The following DHRS3 variants were observed in gnomAD, a reference collection of about 807,000 sequenced individuals.
DHRS3 encodes short-chain dehydrogenase/reductase 3.
In DHRS3, 14 loss-of-function variants were observed where a neutral mutation model predicts 27.2. The ratio of observed to expected loss-of-function variants is 0.52; its 90% CI spans 0.34 to 0.81. The LOEUF is 0.81. DHRS3 is among the 30% of genes least tolerant of loss of function. DHRS3 has a pLI of 0.01. For synonymous variants in DHRS3, 165 were observed against 175.9 expected, an observed-to-expected ratio of 0.94 and a Z score of 0.49; for missense variants, 322 against 406.2, an observed-to-expected ratio of 0.79 and a Z score of 1.78.
intron 4 of DHRS3, among the ~76,000 whole-genome samples, chr1:12,573,524 GCTCAATAAATACTTGAAGGA>G (rs1261739607): frequency 6.6e-6 from 1 of 152,216 alleles, no homozygotes; most frequent in Admixed American, 6.5e-5. Flanking sequence ...CATAGTATGT[GCTCAATAAATACTTGAAGGA>G]CTGAACACAC....
At chr1:12,590,185 G>A (rs987019520) in intron 1 of DHRS3, among the ~76,000 whole-genome samples, 10 of 152,138 alleles carry the variant, frequency 6.6e-5, no homozygotes. Context: ...AGGAACTCTG[G>A]GGGTTCTGGT....
In DHRS3 at chr1:12,580,571, C is replaced by T. The variant is rs752705990; in HGVS notation, c.291G>A (p.Val97=). ...TCTGGTACACCTCCTCCCGGTTGCCCACATCACAGATGAAGTAATGGCACT... is the reference window on the plus strand; with the variant it reads ...TCTGGTACACCTCCTCCCGGTTGCCTACATCACAGATGAAGTAATGGCACT... ...GTECHYFICD[V]GNREEVYQTA... The change falls in exon 2 of 6, where the codon GTG becomes GTA. Residue 97 remains valine (V), a synonymous_variant. Coordinates refer to ENST00000616661, the MANE Select transcript of DHRS3 (RefSeq NM_004753.7). The T allele has an allele frequency of 1.2e-6, 2 of 1,614,078 alleles. No homozygotes were observed. Among genetic ancestry groups the T allele is most frequent in the East Asian group, 4.5e-5 (2 of 44,900 alleles).
At chr1:12,609,102 T>C (rs1646889914) in intron 1 of DHRS3, among the ~76,000 whole-genome samples, 1 of 152,252 alleles carries the variant, frequency 6.6e-6, no homozygotes, top group Non-Finnish European at 1.5e-5. Context: ...GGTTAAGCAC[T>C]ACTGCCATTA....
rs968180693 is a variant in DHRS3 at position 12,592,665 on chromosome 1, C to T, written c.196-11999G>A. Among the ~76,000 whole-genome samples the T allele has an allele frequency of 4.6e-5, 7 of 152,112 alleles. No individual in the cohort carries two copies. The highest frequency in any genetic ancestry group is 2.9e-5 in the Non-Finnish European group (2 of 68,006). On this transcript the variant is annotated intron_variant, in intron 1 of 5. Transcript: ENST00000616661. This position sits in a 1 kb window ranked among gnomAD's most constrained non-coding sequence, Gnocchi z 4.2. ...AGCTTTGGTGTTTTGGGCCACACAG[C>T]TGGTGGTCATTTGTTGTGCCATTGA... is the stretch of plus-strand genomic sequence containing the variant.
At chr1:12,571,285 G>T (rs1438676727) in intron 5 of DHRS3, among the ~76,000 whole-genome samples, 1 of 152,186 alleles carries the variant, frequency 6.6e-6, no homozygotes, top group Non-Finnish European at 1.5e-5. Flanking sequence ...TCTGGAGGAG[G>T]AGTCTCTCAT....
chr1:12,568,309 G>A lies in DHRS3; in HGVS notation c.*31C>T, dbSNP rs373029327. ...CCAGGTGCTGTGGCCCCCAAACTCC[G>A]TGGCTCCTCAAGCATGTCTTCATCC... is the stretch of plus-strand genomic sequence containing the variant. On this transcript the variant is annotated 3_prime_UTR_variant, in exon 6 of 6. Transcript: ENST00000616661. The A allele has an allele frequency of 5.4e-5, 87 of 1,604,884 alleles. 1 individual carries two copies. The Admixed American group carries it at 6.0e-4, about 11-fold the overall frequency.
At chr1:12,580,299 A>G (rs1052138285) in intron 2 of DHRS3, 11 of 587,042 alleles carry the variant, frequency 1.9e-5, no homozygotes, top group Middle Eastern at 4.6e-4. Context: ...CACACGGTCT[A>G]CATTTCCAAG....
At position 12,590,173 on chromosome 1, in the gene DHRS3, C is replaced by T. The variant is rs141962744; in HGVS notation, c.196-9507G>A. Among the ~76,000 whole-genome samples, 54 of 152,104 alleles carry T rather than the reference C, an allele frequency of 3.6e-4. 1 individual carries two copies. Among genetic ancestry groups the T allele is most frequent in the Middle Eastern group, 3.4e-3 (1 of 294 alleles). On this transcript the variant is annotated intron_variant, in intron 1 of 5. Coordinates refer to ENST00000616661, the MANE Select transcript of DHRS3 (RefSeq NM_004753.7). ...GAGGAGAGGTTTTCAAGCAGAGCCC[C>T]AAGGAACTCTGGGGGTTCTGGTGAG... is the stretch of plus-strand genomic sequence containing the variant.
intron 5 of DHRS3, among the ~76,000 whole-genome samples, chr1:12,568,922 G>C (rs1021168722): frequency 6.6e-6 from 1 of 151,758 alleles, no homozygotes; most frequent in Non-Finnish European, 1.5e-5. Context: ...GCCAGACCCT[G>C]TCTCAAAAAT....
chr1:12,610,647 T>C (rs1341774236), intron 1 of DHRS3, among the ~76,000 whole-genome samples: 2 of 152,204 alleles, frequency 1.3e-5, no homozygotes, highest in Non-Finnish European at 2.9e-5. Flanking sequence ...GATTCTAAGA[T>C]CTCACTCATT....
intron 1 of DHRS3, among the ~76,000 whole-genome samples, chr1:12,599,834 G>A (rs1646822967): frequency 6.6e-6 from 1 of 152,188 alleles, no homozygotes; most frequent in Non-Finnish European, 1.5e-5. Context: ...TGGGCTGTGT[G>A]ACCTTGGGCA....
intron 5 of DHRS3, among the ~76,000 whole-genome samples, chr1:12,570,372 C>T (rs144124356): frequency 1.3e-3 from 198 of 152,306 alleles, no homozygotes; most frequent in African/African-American, 4.6e-3. Context: ...CACATGGGCC[C>T]GGCACAGAGA....
intron 1 of DHRS3, among the ~76,000 whole-genome samples, chr1:12,607,783 T>G (rs1330746957): frequency 6.6e-6 from 1 of 152,310 alleles, no homozygotes; most frequent in East Asian, 1.9e-4. Context: ...TATCATCGCT[T>G]ACAAAAGTGT....
intron 5 of DHRS3, among the ~76,000 whole-genome samples, chr1:12,569,231 T>TCTCACACACACA (rs1557509331): frequency 0.037 from 4,099 of 110,384 alleles, 73 homozygotes; most frequent in East Asian, 0.09. Flanking sequence ...TCTCTCTCTC[T>TCTCACACACACA]CACACACACA....
Position 12,594,333 on chromosome 1 carries a change from G to A in DHRS3, c.196-13667C>T, listed in dbSNP as rs1162734805. ...ATTGTGTGCACCAGGCACTTTGGAG[G>A]CCCTGGGATCCAGCGGGGAATACAT... On this transcript the variant is annotated intron_variant, in intron 1 of 5. Coordinates refer to ENST00000616661, the MANE Select transcript of DHRS3 (RefSeq NM_004753.7). The surrounding 1 kb of genome is among the most constrained non-coding windows in gnomAD (Gnocchi z 4.1). 1.3e-5 allele frequency among the ~76,000 whole-genome samples: 2 copies of A among 152,232 alleles called. No individual in the cohort carries two copies. The highest frequency in any genetic ancestry group is 2.9e-5 in the Non-Finnish European group (2 of 68,050).
At position 12,592,963 on chromosome 1, in the gene DHRS3, C is replaced by G. The variant is rs552093130; in HGVS notation, c.196-12297G>C. On this transcript the variant is annotated intron_variant, in intron 1 of 5. Transcript: ENST00000616661. This position sits in a 1 kb window ranked among gnomAD's most constrained non-coding sequence, Gnocchi z 4.2. ...TTCTCACCACTTCTCGCCACCTCCA[C>G]GGCGCCTTGGGGCCCTGCCTCAGCG... Among the ~76,000 whole-genome samples, 7 of 152,202 alleles carry G rather than the reference C, an allele frequency of 4.6e-5. No individual in the cohort carries two copies. Among genetic ancestry groups the G allele is most frequent in the Non-Finnish European group, 1.0e-4 (7 of 68,024 alleles).
chr1:12,583,753 C>T lies in DHRS3; in HGVS notation c.196-3087G>A, dbSNP rs185885441. Among the ~76,000 whole-genome samples, 8 of 151,502 alleles carry T rather than the reference C, an allele frequency of 5.3e-5. No individual in the cohort carries two copies. The East Asian group carries it at 1.4e-3, about 26-fold the overall frequency. ...TCATGCATCCATCCATGCACTCACCCACTCCACTCCATCTGTCCATCCATC... is the reference window on the plus strand; with the variant it reads ...TCATGCATCCATCCATGCACTCACCTACTCCACTCCATCTGTCCATCCATC... On this transcript the variant is annotated intron_variant, in intron 1 of 5. Transcript: ENST00000616661.
chr1:12,587,025 C>T (rs1027135704), intron 1 of DHRS3, among the ~76,000 whole-genome samples: 42 of 151,528 alleles, frequency 2.8e-4, no homozygotes, highest in Middle Eastern at 3.4e-3. Flanking sequence ...CTCTGATACA[C>T]CCTCTTCTGC....
chr1:12,597,301 T>A lies in DHRS3; in HGVS notation c.196-16635A>T, dbSNP rs369727594. On this transcript the variant is annotated intron_variant, in intron 1 of 5. Transcript: ENST00000616661. ...CATCTTGGCCAGGCTGGTCTCGAAC[T>A]CCTGACCTCAACTGGTCCACCCACC... 4.5e-4 allele frequency among the ~76,000 whole-genome samples: 69 copies of A among 152,280 alleles called. 1 individual carries two copies. In the South Asian group the frequency reaches 0.01, roughly 22 times the overall value.
Sources: gnomAD v4.1 joint callset for allele counts (sites outside exome capture counted in the v4.1 genomes callset) on GRCh38, gnomAD v4.1.1 for gene constraint, Gnocchi (gnomAD v3.1) non-coding constraint, MANE v1.5 for transcripts, NCBI Gene and HGNC (gene_info 2026-07-23, HGNC 2026-07-21) for gene names.